The following FAM234A variants were observed in gnomAD, a reference collection of about 807,000 sequenced individuals.
The protein encoded by FAM234A is family with sequence similarity 234 member A, also known as protein FAM234A.
Under a neutral mutation model 49.1 loss-of-function variants are expected in FAM234A, and 42 were observed. The ratio of observed to expected loss-of-function variants is 0.86; its 90% confidence interval spans 0.67 to 1.11. The LOEUF is 1.11. FAM234A is among the 50% of genes least tolerant of loss of function. The probability of loss-of-function intolerance (pLI) is 0.00; values close to 1 mark genes in which losing one functional copy is unlikely to be tolerated. For synonymous variants in FAM234A, 369 were observed against 316.2 expected (o/e 1.17, Z -1.77); for missense variants, 815 against 745.2 (o/e 1.09, Z -1.09).
chr16:244,247 CG>C (rs1158953967), intron 1 of FAM234A, among the ~76,000 whole-genome samples: 6 of 152,220 alleles, frequency 3.9e-5, no homozygotes, highest in African/African-American at 1.2e-4. Flanking sequence ...GGATTACAGG[CG>C]TGAGCCACCG....
chr16:266,879 C>T (rs955820631), downstream of FAM234A, among the ~76,000 whole-genome samples: 13 of 152,154 alleles, frequency 8.5e-5, no homozygotes, highest in African/African-American at 2.6e-4. Flanking sequence ...CAAGAGCTGC[C>T]CCCTGACAGC....
At chr16:248,372 C>T (rs2050889360) in intron 1 of FAM234A, 1 of 152,046 alleles carries the variant, frequency 6.6e-6, no homozygotes, top group Non-Finnish European at 1.5e-5. Flanking sequence ...TCTGATTTAA[C>T]ATGACAAATC....
intron 1 of FAM234A, among the ~76,000 whole-genome samples, chr16:246,093 T>C (rs1367001135): frequency 1.3e-5 from 2 of 151,158 alleles, no homozygotes; most frequent in Non-Finnish European, 2.9e-5. Context: ...TGGGTGCCTA[T>C]AGTCCCAGCC....
intron 1 of FAM234A, among the ~76,000 whole-genome samples, chr16:248,963 A>T (rs141120383): frequency 6.6e-6 from 1 of 152,020 alleles, no homozygotes; most frequent in Non-Finnish European, 1.5e-5. Context: ...TTTTAAAATT[A>T]TAAATCCAAA....
intron 1 of FAM234A, among the ~76,000 whole-genome samples, chr16:245,469 C>A (rs2050772600): frequency 6.6e-6 from 1 of 152,182 alleles, no homozygotes; most frequent in Non-Finnish European, 1.5e-5. Context: ...GTGAACTGCC[C>A]AGTTATGAAT....
At chr16:252,853 C>G (rs780436796) in intron 2 of FAM234A, among the ~76,000 whole-genome samples, 1 of 152,220 alleles carries the variant, frequency 6.6e-6, no homozygotes, top group African/African-American at 2.4e-5. Flanking sequence ...AGCTTTTCCT[C>G]GCCTTCCCTC....
In FAM234A at chr16:260,114, C is replaced by G; in HGVS notation, c.531C>G (p.Ile177Met). Residue 177 changes from isoleucine (I) to methionine (M), a missense_variant, in exon 5 of 13, where the codon ATC (isoleucine) becomes ATG (methionine). Physicochemically the swap from Ile to Met is conservative, Grantham distance 10. Coordinates refer to ENST00000399932, the MANE Select transcript of FAM234A (RefSeq NM_032039.4). ...GCAGTGAGGCACCTTCTGCCTGCAT[C>G]CTGGTGGGCAGACCCAGTTCTTTCA... ...PRGSEAPSAC[I>M]LVGRPSSFIA... The G allele has an allele frequency of 6.2e-7, 1 of 1,613,930 alleles. No homozygotes were observed.
At chr16:248,323 A>G (rs959642218) in intron 1 of FAM234A, 6 of 152,112 alleles carry the variant, frequency 3.9e-5, no homozygotes, top group Admixed American at 3.9e-4. Flanking sequence ...AGAAAATGAC[A>G]GTACTTTCTC....
chr16:264,708 C>T lies in FAM234A; in HGVS notation c.1439C>T (p.Ala480Val). The T allele has an allele frequency of 6.2e-7, 1 of 1,611,442 alleles. No homozygotes were observed. The highest frequency in any genetic ancestry group is 1.1e-5 in the South Asian group (1 of 91,078). ...ELANVSTHIV[A>V]FDAVLFEPSR... ...GCCAATGTCTCTACCCACATTGTCGCCTTTGACGGTGAGTGTGGCCTCGGC... is the reference window on the plus strand; with the variant it reads ...GCCAATGTCTCTACCCACATTGTCGTCTTTGACGGTGAGTGTGGCCTCGGC... Residue 480 changes from alanine to valine, a missense_variant, in exon 12 of 13, where the codon GCC becomes GTC. Ala to Val is a moderately conservative substitution (Grantham distance 64). Transcript: ENST00000399932.
At chr16:259,384 GCAGGT>G in intron 3 of FAM234A, 94 bp from the exon 4 acceptor site, 1 of 707,638 alleles carries the variant, frequency 1.4e-6, no homozygotes, top group Non-Finnish European at 2.5e-6. Context: ...CCTCACAGTG[GCAGGT>G]TCCATGTAGC....
In FAM234A at chr16:246,739, C is replaced by T. The variant is rs1425959955; in HGVS notation, c.-139-2810C>T. On this transcript the variant is annotated intron_variant, in intron 1 of 12. Transcript: ENST00000399932. ...CAGCCAGCTGGTGTTTTTTTTTTTTCGATCGATTGGTGTTTTGTTTTGTTT... is the reference window on the plus strand; with the variant it reads ...CAGCCAGCTGGTGTTTTTTTTTTTTTGATCGATTGGTGTTTTGTTTTGTTT... Among the ~76,000 whole-genome samples, 209 of 140,794 alleles carry T rather than the reference C, an allele frequency of 1.5e-3. 5 individuals are homozygous for T. The highest frequency in any genetic ancestry group is 5.3e-3 in the African/African-American group (200 of 37,792). The allele number at this position is 140,794 out of a possible 152,430, so 92.4% of individuals were successfully genotyped here. A position where few individuals can be genotyped will look rare whatever the true frequency, so the allele number is the denominator to read the frequency against.
downstream of FAM234A, chr16:269,682 C>T (rs974283736): frequency 8.1e-6 from 8 of 983,094 alleles, no homozygotes; most frequent in South Asian, 1.4e-5. Context: ...GAGCCTCCTC[C>T]AGCCACAGAG....
Position 262,456 on chromosome 16 carries a change from C to A in FAM234A, c.874C>A (p.Leu292Ile). 6.2e-7 allele frequency: 1 copy of A among 1,611,194 alleles called. No homozygotes were observed. Among genetic ancestry groups the A allele is most frequent in the Non-Finnish European group, 8.5e-7 (1 of 1,178,562 alleles). Residue 292 changes from leucine (L) to isoleucine (I), a missense_variant, in exon 8 of 13, where the codon CTC becomes ATC. Coordinates refer to ENST00000399932, the MANE Select transcript of FAM234A (RefSeq NM_032039.4). ...SSLCGCSVKG[L>I]YEKVTGSGGP... ...CCTCTGCGGCTGCTCTGTGAAGGGTCTCTACGAGAAGGTGACCGGGAGCGG... is the reference window on the plus strand; with the variant it reads ...CCTCTGCGGCTGCTCTGTGAAGGGTATCTACGAGAAGGTGACCGGGAGCGG...
At chr16:267,857 A>G (rs1368297290), downstream of FAM234A, among the ~76,000 whole-genome samples, 1 of 141,644 alleles carries the variant, frequency 7.1e-6, no homozygotes, top group African/African-American at 2.6e-5. Flanking sequence ...CGTGTGCCTC[A>G]GTGCTACACA....
At chr16:242,831 C>G (rs748218568) in intron 1 of FAM234A, among the ~76,000 whole-genome samples, 1 of 151,988 alleles carries the variant, frequency 6.6e-6, no homozygotes, top group African/African-American at 2.4e-5. Flanking sequence ...CCAAATTGGT[C>G]TCGAACTCCT....
intron 3 of FAM234A, among the ~76,000 whole-genome samples, chr16:256,393 G>A (rs1470636768): frequency 2.0e-5 from 3 of 152,094 alleles, no homozygotes; most frequent in African/African-American, 4.8e-5. Context: ...TCATGCTAGT[G>A]GGTGTGAATT....
rs117412751 is a variant in FAM234A at position 245,446 on chromosome 16, C to T, written c.-139-4103C>T. Among the ~76,000 whole-genome samples the T allele has an allele frequency of 8.4e-3, 1,273 of 152,298 alleles. 7 individuals are homozygous for T. Among genetic ancestry groups the T allele is most frequent in the Non-Finnish European group, 0.012 (817 of 68,018 alleles). On this transcript the variant is annotated intron_variant, in intron 1 of 12. Coordinates refer to ENST00000399932, the MANE Select transcript of FAM234A (RefSeq NM_032039.4). ...GTTTCCCCTGGGCACCGGCCACTGG[C>T]GTGTGCTCTTCAGTGAACTGCCCAG...
chr16:254,354 C>T (rs200521453), intron 2 of FAM234A, 27 bp from the exon 3 acceptor site: 452 of 1,587,084 alleles, frequency 2.8e-4, no homozygotes, highest in Non-Finnish European at 3.7e-4. Flanking sequence ...CTGCTGGCCT[C>T]GCCGACCTCT....
intron 3 of FAM234A, 126 bp from the exon 4 acceptor site, chr16:259,357 C>T: frequency 1.5e-6 from 1 of 662,140 alleles, no homozygotes; most frequent in South Asian, 1.9e-5. Flanking sequence ...GAAGAAGCCA[C>T]CGTCCTCGTT....
Sources: gnomAD v4.1 joint callset for allele counts (sites outside exome capture counted in the v4.1 genomes callset) on GRCh38, gnomAD v4.1.1 for gene constraint, MANE v1.5 for transcripts, NCBI Gene and HGNC (gene_info 2026-07-23, HGNC 2026-07-21) for gene names.